The following STON2 variants were observed in gnomAD, a reference collection of about 807,000 sequenced individuals.
STON2 encodes stonin-2.
In STON2, 29 loss-of-function variants were observed where a neutral mutation model predicts 65.7. The observed-to-expected ratio is 0.44, with a 90% CI of 0.33 to 0.60. The LOEUF (loss-of-function observed/expected upper bound fraction) is 0.60. Ranked by LOEUF, STON2 falls within the 20% of genes least tolerant of loss-of-function variation. The pLI is 0.03. For synonymous variants in STON2, 404 were observed against 414.2 expected (o/e 0.98, Z 0.30); for missense variants, 1,054 against 1,118.1 (o/e 0.94, Z 0.82).
rs143321527 is a variant in STON2 at position 81,272,105 on chromosome 14, C to A, written c.2582-1233G>T. Among the ~76,000 whole-genome samples, 1,451 of 152,224 alleles carry A rather than the reference C, an allele frequency of 9.5e-3. 25 individuals carry two copies. Among genetic ancestry groups the A allele is most frequent in the African/African-American group, 0.034 (1,397 of 41,530 alleles). Reference sequence around the variant, plus strand: ...GGCGTGGTGGCGGGCGCCTGTAGTCCCAGCTACTCGGGAGGCTGAGGCAGG... The same window carrying A: ...GGCGTGGTGGCGGGCGCCTGTAGTCACAGCTACTCGGGAGGCTGAGGCAGG... On this transcript the variant is annotated intron_variant, in intron 6 of 7. Transcript: ENST00000614646.
chr14:81,320,177 T>C (rs1369182062), intron 5 of STON2, among the ~76,000 whole-genome samples: 1 of 151,902 alleles, frequency 6.6e-6, no homozygotes. Context: ...CCATTCTGTC[T>C]ACATTCCAAG....
intron 5 of STON2, among the ~76,000 whole-genome samples, chr14:81,315,496 G>A (rs1034413306): frequency 1.5e-5 from 2 of 132,814 alleles, no homozygotes; most frequent in Admixed American, 1.6e-4. Context: ...CTGCACGCAG[G>A]CATTTCCAAC....
At chr14:81,268,548 T>C in intron 7 of STON2, 51 bp from the exon 8 acceptor site, 2 of 1,286,424 alleles carry the variant, frequency 1.6e-6, no homozygotes, top group African/African-American at 1.5e-5. Flanking sequence ...AGAAAAAGCA[T>C]GCAAATAAAT....
intron 5 of STON2, among the ~76,000 whole-genome samples, chr14:81,296,307 AT>A (rs1440740422): frequency 6.6e-6 from 1 of 152,252 alleles, no homozygotes; most frequent in Non-Finnish European, 1.5e-5. Flanking sequence ...ATCAATGCTG[AT>A]GATTTGTTTT....
rs571094529 is a variant in STON2, at chr14:81,389,719, T to C, written c.373+6175A>G. On this transcript the variant is annotated intron_variant, in intron 3 of 7. Transcript: ENST00000614646. ...CCAAGTGAGGAAAACTGGATAAAACTGAGTAAGAGCTGTGGGGAAGCCCCA... is the reference window on the plus strand; with the variant it reads ...CCAAGTGAGGAAAACTGGATAAAACCGAGTAAGAGCTGTGGGGAAGCCCCA... 3.9e-5 allele frequency among the ~76,000 whole-genome samples: 6 copies of C among 152,332 alleles called. No individual in the cohort carries two copies. The South Asian group carries it at 1.2e-3, about 32-fold the overall frequency.
At chr14:81,325,041 T>C (rs1896958246) in intron 4 of STON2, among the ~76,000 whole-genome samples, 2 of 152,148 alleles carry the variant, frequency 1.3e-5, no homozygotes, top group Non-Finnish European at 2.9e-5. Context: ...GGCCAGCTAG[T>C]GAATGGGAGA....
intron 2 of STON2, among the ~76,000 whole-genome samples, chr14:81,408,742 T>C (rs759487139): frequency 2.0e-5 from 3 of 152,230 alleles, no homozygotes; most frequent in Non-Finnish European, 4.4e-5. Context: ...GAATCTAAGT[T>C]ACACTTGGCT....
At chr14:81,398,158 C>G in intron 2 of STON2, 137 bp downstream of exon 2, 1 of 612,258 alleles carries the variant, frequency 1.6e-6, no homozygotes, top group East Asian at 3.0e-5. Context: ...ATTCTAAGAT[C>G]TCAAGAAAGA....
intron 4 of STON2, among the ~76,000 whole-genome samples, chr14:81,359,907 A>G (rs2140337144): frequency 6.6e-6 from 1 of 152,294 alleles, no homozygotes; most frequent in African/African-American, 2.4e-5. Context: ...TCCATCAAAG[A>G]AAAGTCCCAA....
intron 3 of STON2, among the ~76,000 whole-genome samples, chr14:81,376,524 A>G (rs1358010215): frequency 6.6e-6 from 1 of 152,166 alleles, no homozygotes; most frequent in African/African-American, 2.4e-5. Context: ...GCTTTTACTG[A>G]AAAGTTCTAT....
intron 2 of STON2, among the ~76,000 whole-genome samples, chr14:81,419,399 C>T (rs114105416): frequency 1.9e-4 from 29 of 152,312 alleles, no homozygotes; most frequent in African/African-American, 7.0e-4. Flanking sequence ...ACAGCTGTAT[C>T]ACTGACATAA....
intron 4 of STON2, 80 bp downstream of exon 4, chr14:81,370,908 A>AT (rs1898954244): frequency 7.3e-7 from 1 of 1,362,996 alleles, no homozygotes; most frequent in African/African-American, 1.4e-5. Context: ...AGCTGCAGCA[A>AT]TTTTTAAAAG....
chr14:81,299,045 A>G (rs1342694195), intron 5 of STON2, among the ~76,000 whole-genome samples: 1 of 152,198 alleles, frequency 6.6e-6, no homozygotes, highest in African/African-American at 2.4e-5. Context: ...GATAAAGGAA[A>G]AACTGAAAAT....
Position 81,261,052 on chromosome 14 carries a change from C to G in STON2, c.*7362G>C, listed in dbSNP as rs1286486807. ...ATCTCTTGAATACGGTAGTTTTCTC[C>G]AGGTTCTCTTGTTAAGTAGACATAA... is the stretch of plus-strand genomic sequence containing the variant. On this transcript the variant is annotated 3_prime_UTR_variant, in exon 8 of 8. Coordinates refer to ENST00000614646, the MANE Select transcript of STON2 (RefSeq NM_001394390.1). 1 of 152,128 alleles carries G rather than the reference C, an allele frequency of 6.6e-6. No individual in the cohort carries two copies. The highest frequency in any genetic ancestry group is 1.5e-5 in the Non-Finnish European group (1 of 68,024). 9.4% of individuals were successfully genotyped at this position (152,128 alleles called of 1,614,324 possible). A position where few individuals can be genotyped will look rare whatever the true frequency, so the allele number is the denominator to read the frequency against.
chr14:81,286,844 C>A (rs1194247547), intron 5 of STON2, among the ~76,000 whole-genome samples: 1 of 152,178 alleles, frequency 6.6e-6, no homozygotes, highest in Non-Finnish European at 1.5e-5. Flanking sequence ...CTGAGGTCAG[C>A]AATTTTAAGT....
chr14:81,349,525 A>G (rs1897943792), intron 4 of STON2, among the ~76,000 whole-genome samples: 1 of 152,192 alleles, frequency 6.6e-6, no homozygotes, highest in African/African-American at 2.4e-5. Flanking sequence ...TGCAAATCAA[A>G]GCCACAATGA....
In STON2 at chr14:81,263,900, C is replaced by T. The variant is rs2140081829; in HGVS notation, c.*4514G>A. ...ACTTATGGTGAAATATATATCACCT[C>T]TGAAATCATGACTTTATCTCACAAA... On this transcript the variant is annotated 3_prime_UTR_variant, in exon 8 of 8. Transcript: ENST00000614646. 2.0e-6 allele frequency: 2 copies of T among 985,414 alleles called. No individual in the cohort carries two copies. The highest frequency in any genetic ancestry group is 1.1e-4 in the East Asian group (1 of 8,816). The allele number at this position is 985,414 out of a possible 1,614,324, so 61.0% of individuals were successfully genotyped here.
intron 4 of STON2, among the ~76,000 whole-genome samples, chr14:81,336,213 C>T (rs1897365714): frequency 6.6e-6 from 1 of 152,168 alleles, no homozygotes; most frequent in Non-Finnish European, 1.5e-5. Context: ...TACCTGCCAT[C>T]TATGTAACAG....
chr14:81,359,199 C>A (rs1481690796), intron 4 of STON2, among the ~76,000 whole-genome samples: 5 of 152,102 alleles, frequency 3.3e-5, no homozygotes, highest in African/African-American at 4.8e-5. Context: ...TGTTTTCTGA[C>A]CACAGTGTAA....
Sources: gnomAD v4.1 joint callset for allele counts (sites outside exome capture counted in the v4.1 genomes callset) on GRCh38, gnomAD v4.1.1 for gene constraint, MANE v1.5 for transcripts, NCBI Gene and HGNC (gene_info 2026-07-23, HGNC 2026-07-21) for gene names.